MYH15: variants seen among roughly 807,000 people sequenced by gnomAD.
MYH15 encodes myosin heavy chain 15.
In MYH15, 227 loss-of-function variants were observed where a neutral mutation model predicts 240.5. The observed-to-expected ratio is 0.94, with a 90% CI of 0.85 to 1.05. The LOEUF (loss-of-function observed/expected upper bound fraction) is 1.05. Ranked by LOEUF, MYH15 falls within the 50% of genes least tolerant of loss-of-function variation. MYH15 has a pLI of 0.00. For missense variants in MYH15, 2,217 were observed against 2,247.5 expected (o/e 0.99, Z 0.27); for synonymous variants, 785 against 796.7 (o/e 0.99, Z 0.25).
chr3:108,499,711 G>A (rs1051544133), intron 4 of MYH15, among the ~76,000 whole-genome samples: 15 of 152,076 alleles, frequency 9.9e-5, no homozygotes, highest in East Asian at 9.6e-4. Flanking sequence ...ACTTCTTTGC[G>A]CTACATATAA....
Position 108,399,100 on chromosome 3 carries a change from A to G in MYH15, c.4904T>C (p.Leu1635Pro). ...CTTGATTTGAATCTGAAGCTGGCCCAGGGATTTGGTTGCTTCTGACACCTG... is the reference window on the plus strand; with the variant it reads ...CTTGATTTGAATCTGAAGCTGGCCCGGGGATTTGGTTGCTTCTGACACCTG... ...NRQVSEATKS[L>P]GQLQIQIKDL... Residue 1635 changes from leucine to proline, a missense_variant, in exon 34 of 41, where the codon CTG becomes CCG. Leu to Pro is a moderately conservative substitution (Grantham distance 98). Coordinates refer to ENST00000693548, the MANE Select transcript of MYH15 (RefSeq NM_014981.3). 1 of 1,613,896 alleles carries G rather than the reference A, an allele frequency of 6.2e-7. No individual in the cohort carries two copies. The highest frequency in any genetic ancestry group is 8.5e-7 in the Non-Finnish European group (1 of 1,179,866).
At chr3:108,422,130 T>C (rs1406084321) in intron 27 of MYH15, among the ~76,000 whole-genome samples, 1 of 152,190 alleles carries the variant, frequency 6.6e-6, no homozygotes, top group East Asian at 1.9e-4. Flanking sequence ...TCAGAAACAG[T>C]AAAATTACAT....
chr3:108,470,435 T>A (rs1283480919), intron 13 of MYH15, among the ~76,000 whole-genome samples: 1 of 152,166 alleles, frequency 6.6e-6, no homozygotes, highest in Non-Finnish European at 1.5e-5. Context: ...CTTAATGGTA[T>A]TAAAATTTAA....
chr3:108,406,843 G>A (rs918276145), intron 32 of MYH15, among the ~76,000 whole-genome samples: 4 of 152,186 alleles, frequency 2.6e-5, no homozygotes, highest in African/African-American at 9.7e-5. Context: ...ATGATCGACT[G>A]AATACACAAA....
intron 21 of MYH15, among the ~76,000 whole-genome samples, chr3:108,450,022 C>A (rs1440752962): frequency 6.6e-6 from 1 of 152,038 alleles, no homozygotes; most frequent in Non-Finnish European, 1.5e-5. Flanking sequence ...GATATCATCT[C>A]ACACCTGTTA....
At chr3:108,515,962 T>C (rs927827873) in intron 1 of MYH15, among the ~76,000 whole-genome samples, 2 of 152,160 alleles carry the variant, frequency 1.3e-5, no homozygotes, top group African/African-American at 4.8e-5. Context: ...TCTAGTCTTC[T>C]TACTGCTGAC....
Position 108,470,108 on chromosome 3 carries a change from T to G in MYH15, c.1488A>C (p.Glu496Asp). 1.2e-6 allele frequency: 2 copies of G among 1,612,104 alleles called. No individual in the cohort carries two copies. The highest frequency in any genetic ancestry group is 1.7e-5 in the Admixed American group (1 of 59,598). The change falls in exon 14 of 41, where the codon GAA becomes GAC. Residue 496 changes from glutamate to aspartate, a missense_variant. Glu to Asp is a conservative substitution (Grantham distance 45). Coordinates refer to ENST00000693548, the MANE Select transcript of MYH15 (RefSeq NM_014981.3). ...AGCCAATAGACACCCATTCAATGCT[T>G]TCTTTCTTATATTCCTCTTGCTCCA... The part of the protein sequence containing the change: ...FVLEQEEYKK[E>D]SIEWVSIGFG...
chr3:108,445,847 A>G (rs890307038), intron 21 of MYH15, among the ~76,000 whole-genome samples: 147 of 63,502 alleles, frequency 2.3e-3, no homozygotes, highest in African/African-American at 2.0e-3. Flanking sequence ...CAGATTTGAA[A>G]GAAGACCAAA....
chr3:108,471,069 GAGGGAGGA>G (rs1370599760), intron 12 of MYH15, among the ~76,000 whole-genome samples: 1 of 118,748 alleles, frequency 8.4e-6, no homozygotes, highest in East Asian at 8.1e-4. Flanking sequence ...GGAAGGGAGG[GAGGGAGGA>G]AGGAAGGAAG....
chr3:108,472,652 A>G (rs1442896392), intron 12 of MYH15, among the ~76,000 whole-genome samples: 1 of 152,178 alleles, frequency 6.6e-6, no homozygotes, highest in Middle Eastern at 3.2e-3. Flanking sequence ...TAATTCCCTA[A>G]ATACTTGAGA....
chr3:108,470,413 A>G (rs934848802), intron 13 of MYH15, among the ~76,000 whole-genome samples: 3 of 152,192 alleles, frequency 2.0e-5, no homozygotes, highest in African/African-American at 7.2e-5. Flanking sequence ...AGATTATTAC[A>G]ATAATATAGC....
chr3:108,499,307 G>T, intron 5 of MYH15, 148 bp downstream of exon 5: 1 of 809,034 alleles, frequency 1.2e-6, no homozygotes, highest in South Asian at 1.6e-5. Flanking sequence ...AATTTCCTGA[G>T]TATCTTTTTC....
In MYH15 at chr3:108,398,860, T is replaced by A. The variant is rs1415862223; in HGVS notation, c.4930-20A>T. On this transcript the variant is annotated intron_variant, in intron 34 of 40. Coordinates refer to ENST00000693548, the MANE Select transcript of MYH15 (RefSeq NM_014981.3). ...AAGGTCCTGGGAGAGAAAAGATGGG[T>A]CTGGAGTACAGATCCCTCTGAGTTC... 6.2e-7 allele frequency: 1 copy of A among 1,611,394 alleles called. No individual in the cohort carries two copies. Among genetic ancestry groups the A allele is most frequent in the East Asian group, 2.2e-5 (1 of 44,872 alleles).
chr3:108,416,071 A>G (rs1351192751), intron 29 of MYH15, among the ~76,000 whole-genome samples: 1 of 152,232 alleles, frequency 6.6e-6, no homozygotes, highest in Non-Finnish European at 1.5e-5. Flanking sequence ...GATTGAGATA[A>G]CATGACAGAA....
intron 11 of MYH15, among the ~76,000 whole-genome samples, chr3:108,483,380 T>C (rs1287490259): frequency 2.0e-5 from 3 of 149,592 alleles, no homozygotes; most frequent in African/African-American, 7.4e-5. Flanking sequence ...AAAACCACAA[T>C]AAGATACCAC....
chr3:108,455,005 A>G (rs2083007208), intron 20 of MYH15, among the ~76,000 whole-genome samples: 1 of 152,244 alleles, frequency 6.6e-6, no homozygotes, highest in African/African-American at 2.4e-5. Context: ...AATAAACAGC[A>G]GAAACTGATT....
chr3:108,548,998 T>C, the MYH15 span, among the ~76,000 whole-genome samples: 1 of 152,062 alleles, frequency 6.6e-6, no homozygotes, highest in Admixed American at 6.6e-5. Flanking sequence ...ATATAAACTT[T>C]AACCAACCAA....
intron 1 of MYH15, among the ~76,000 whole-genome samples, chr3:108,522,762 AG>A (rs2083630762): frequency 1.3e-5 from 2 of 152,158 alleles, no homozygotes; most frequent in Admixed American, 6.6e-5. Flanking sequence ...GAACTATTTG[AG>A]GGCGAAATAA....
upstream of MYH15, among the ~76,000 whole-genome samples, chr3:108,531,813 T>A (rs927497873): frequency 4.6e-5 from 7 of 151,246 alleles, no homozygotes; most frequent in Non-Finnish European, 1.0e-4. Context: ...AATACATAAA[T>A]AAAATAAAAA....
Sources: gnomAD v4.1 joint callset for allele counts (sites outside exome capture counted in the v4.1 genomes callset) on GRCh38, gnomAD v4.1.1 for gene constraint, MANE v1.5 for transcripts, NCBI Gene and HGNC (gene_info 2026-07-23, HGNC 2026-07-21) for gene names.